MIA2: variants seen among roughly 807,000 people sequenced by gnomAD.
MIA2 encodes the protein MIA SH3 domain ER export factor 2, also known as melanoma inhibitory activity protein 2.
In MIA2, 127 loss-of-function variants were observed where a neutral mutation model predicts 167.8. That is an observed-to-expected ratio of 0.76 (90% CI 0.66 to 0.88). The LOEUF (loss-of-function observed/expected upper bound fraction) is 0.88, where lower values mean the gene tolerates loss of function less well. Among genes scored for constraint, MIA2 ranks in the 40% least tolerant of loss-of-function variants. MIA2 has a pLI of 0.00. For synonymous variants in MIA2, 552 were observed against 541.9 expected, an observed-to-expected ratio of 1.02 and a Z score of -0.26; for missense variants, 1,690 against 1,624.7, an observed-to-expected ratio of 1.04 and a Z score of -0.69.
intron 23 of MIA2, among the ~76,000 whole-genome samples, chr14:39,365,650 CCTATCTATCTATCTATCTAT>C (rs3065047): frequency 0.03 from 4,395 of 147,968 alleles, 198 homozygotes; most frequent in African/African-American, 0.095. Flanking sequence ...TTTAAAAATA[CCTATCTATCTATCTATCTAT>C]CTATCTATCT....
At chr14:39,275,681 G>A (rs537900240) in intron 6 of MIA2, among the ~76,000 whole-genome samples, 24 of 152,298 alleles carry the variant, frequency 1.6e-4, no homozygotes, top group African/African-American at 4.8e-4. Flanking sequence ...TGTGTAAACT[G>A]TGAAGAAAAC....
chr14:39,290,007 C>G (rs1351202038), intron 9 of MIA2, among the ~76,000 whole-genome samples: 2 of 152,130 alleles, frequency 1.3e-5, no homozygotes, highest in Non-Finnish European at 2.9e-5. Context: ...TTGGGCCCAC[C>G]AAAATAATTC....
At chr14:39,272,993 A>AT (rs574686090) in intron 6 of MIA2, among the ~76,000 whole-genome samples, 8 of 151,954 alleles carry the variant, frequency 5.3e-5, no homozygotes, top group Non-Finnish European at 1.0e-4. Flanking sequence ...TTCTATGTTG[A>AT]TTTTGTATTC....
intron 4 of MIA2, among the ~76,000 whole-genome samples, 180 bp from the exon 5 acceptor site, chr14:39,252,568 A>T (rs2054627028): frequency 6.6e-6 from 1 of 152,202 alleles, no homozygotes; most frequent in Non-Finnish European, 1.5e-5. Flanking sequence ...TTGGTAATTT[A>T]TCTTACTAGC....
chr14:39,238,811 A>AAAAAACAAAAAAAAAAAC, intron 2 of MIA2, among the ~76,000 whole-genome samples: 1 of 103,608 alleles, frequency 9.7e-6, no homozygotes, highest in African/African-American at 3.9e-5. Flanking sequence ...AAAAAAAAAA[A>AAAAAACAAAAAAAAAAAC]CCCAAAAAAC....
chr14:39,249,210 A>C (rs1356207420), intron 4 of MIA2, among the ~76,000 whole-genome samples: 1 of 152,164 alleles, frequency 6.6e-6, no homozygotes, highest in Non-Finnish European at 1.5e-5. Context: ...GTGCGATCAC[A>C]GTTCACTGCA....
At chr14:39,342,456 G>A (rs894114798) in intron 25 of MIA2, among the ~76,000 whole-genome samples, 1 of 152,088 alleles carries the variant, frequency 6.6e-6, no homozygotes. Flanking sequence ...ATTGTGAATA[G>A]TGCCTCAATA....
intron 23 of MIA2, among the ~76,000 whole-genome samples, chr14:39,365,146 A>T (rs1289214488): frequency 6.6e-6 from 1 of 151,958 alleles, no homozygotes; most frequent in Non-Finnish European, 1.5e-5. Context: ...GTTCACTGCA[A>T]CTTCCACCTC....
At chr14:39,355,089 T>A (rs1416520036), downstream of MIA2, among the ~76,000 whole-genome samples, 1 of 151,518 alleles carries the variant, frequency 6.6e-6, no homozygotes, top group East Asian at 1.9e-4. Flanking sequence ...TTTCCATCTG[T>A]GAAGAAAGTC....
intron 19 of MIA2, 123 bp from the exon 20 acceptor site, chr14:39,314,616 T>TTTTG: frequency 2.3e-6 from 1 of 437,170 alleles, no homozygotes; most frequent in Middle Eastern, 6.3e-4. Flanking sequence ...TGGAGTTTTT[T>TTTTG]TTTTTTTTTT....
chr14:39,324,830 C>T (rs942783934), intron 24 of MIA2, among the ~76,000 whole-genome samples: 1 of 152,252 alleles, frequency 6.6e-6, no homozygotes, highest in South Asian at 2.1e-4. Context: ...TGGTTTCGAA[C>T]TCCTCACCTC....
At chr14:39,294,900 A>T (rs1383174010) in intron 12 of MIA2, 25 bp from the exon 13 acceptor site, 1 of 1,466,244 alleles carries the variant, frequency 6.8e-7, no homozygotes, top group Non-Finnish European at 9.5e-7. Context: ...ATTGTTACAA[A>T]CTTGACATTT....
intron 3 of MIA2, among the ~76,000 whole-genome samples, chr14:39,243,299 T>C (rs914278206): frequency 7.9e-5 from 12 of 152,246 alleles, no homozygotes; most frequent in African/African-American, 2.9e-4. Context: ...TTGGGCCTTT[T>C]ATCCCCACAT....
intron 9 of MIA2, among the ~76,000 whole-genome samples, chr14:39,283,953 TGTG>T (rs1595010976): frequency 6.6e-6 from 1 of 152,292 alleles, no homozygotes; most frequent in East Asian, 1.9e-4. Context: ...GCCTTTTTAT[TGTG>T]TTTACTTGTG....
chr14:39,336,051 G>C (rs1232763962), intron 25 of MIA2, among the ~76,000 whole-genome samples: 2 of 152,214 alleles, frequency 1.3e-5, no homozygotes, highest in Non-Finnish European at 2.9e-5. Context: ...GTTGTGAATA[G>C]TGTTACGATA....
chr14:39,254,886 G>T (rs1234265564), intron 6 of MIA2, among the ~76,000 whole-genome samples: 1 of 152,178 alleles, frequency 6.6e-6, no homozygotes, highest in Non-Finnish European at 1.5e-5. Context: ...TAGATCTTTT[G>T]TAGACAGAAT....
chr14:39,239,070 T>G (rs1045150684), intron 2 of MIA2, among the ~76,000 whole-genome samples: 2 of 152,194 alleles, frequency 1.3e-5, no homozygotes, highest in African/African-American at 2.4e-5. Flanking sequence ...ATATTACATA[T>G]GCACCAGACC....
At chr14:39,266,949 G>C in intron 6 of MIA2, 1 of 659,556 alleles carries the variant, frequency 1.5e-6, no homozygotes, top group Non-Finnish European at 1.9e-6. Flanking sequence ...CTTTGGGGTT[G>C]TGCGGCTCAC....
At chr14:39,315,469 A>G (rs2065239792) in intron 20 of MIA2, among the ~76,000 whole-genome samples, 1 of 152,226 alleles carries the variant, frequency 6.6e-6, no homozygotes, top group African/African-American at 2.4e-5. Context: ...GTAAAAGTTT[A>G]CCAAACAAAA....
Sources: gnomAD v4.1 joint callset for allele counts (sites outside exome capture counted in the v4.1 genomes callset) on GRCh38, gnomAD v4.1.1 for gene constraint, MANE v1.5 for transcripts, NCBI Gene and HGNC (gene_info 2026-07-23, HGNC 2026-07-21) for gene names.